The following ST7 variants were observed in gnomAD, a reference collection of about 807,000 sequenced individuals.
The protein encoded by ST7 is suppression of tumorigenicity 7, also known as suppressor of tumorigenicity 7 protein.
A neutral mutation model predicts 78.7 loss-of-function variants in ST7; 28 were observed. That is an observed-to-expected ratio of 0.36 (90% CI 0.26 to 0.49). The LOEUF is 0.49. Among genes scored for constraint, ST7 ranks in the 20% least tolerant of loss-of-function variants. The pLI, the probability that ST7 is intolerant of heterozygous loss-of-function variation, is 0.99. For synonymous variants in ST7, 247 were observed against 249.6 expected, an observed-to-expected ratio of 0.99 and a Z score of 0.10; for missense variants, 418 against 696.0, an observed-to-expected ratio of 0.60 and a Z score of 4.49.
intron 10 of ST7, among the ~76,000 whole-genome samples, chr7:117,179,032 T>C (rs1380262545): frequency 1.3e-5 from 2 of 152,188 alleles, no homozygotes; most frequent in African/African-American, 2.4e-5. Flanking sequence ...TTATTGTTTT[T>C]CTTCATCCTG....
intron 12 of ST7, among the ~76,000 whole-genome samples, chr7:117,201,224 G>C (rs1191532716): frequency 6.6e-6 from 1 of 152,106 alleles, no homozygotes; most frequent in Non-Finnish European, 1.5e-5. Flanking sequence ...GTCATATTTT[G>C]TTCCAAAGCT....
At chr7:117,205,892 G>A (rs1791706574) in intron 12 of ST7, among the ~76,000 whole-genome samples, 1 of 152,232 alleles carries the variant, frequency 6.6e-6, no homozygotes, top group Admixed American at 6.5e-5. Flanking sequence ...ATTATAGATG[G>A]ACAAAGCGTG....
intron 6 of ST7, among the ~76,000 whole-genome samples, 173 bp downstream of exon 6, chr7:117,132,133 T>C (rs1483386800): frequency 6.6e-6 from 1 of 151,758 alleles, no homozygotes; most frequent in African/African-American, 2.4e-5. Context: ...AGCCACCATG[T>C]GGAGGTGGTT....
At chr7:117,072,490 A>G (rs1799031301) in intron 1 of ST7, 1 of 152,180 alleles carries the variant, frequency 6.6e-6, no homozygotes, top group Non-Finnish European at 1.5e-5. Flanking sequence ...TTAGTAACAG[A>G]TGTTTTGATT....
At chr7:117,166,980 G>A (rs1460344305) in intron 9 of ST7, among the ~76,000 whole-genome samples, 1 of 151,878 alleles carries the variant, frequency 6.6e-6, no homozygotes, top group African/African-American at 2.4e-5. Context: ...TGCTGTGTGA[G>A]CAATTTAGGC....
chr7:117,122,278 G>C (rs1803453830), intron 3 of ST7, among the ~76,000 whole-genome samples: 1 of 152,206 alleles, frequency 6.6e-6, no homozygotes, highest in African/African-American at 2.4e-5. Flanking sequence ...AGCTCATGCT[G>C]TGCTAAGGAA....
intron 1 of ST7, among the ~76,000 whole-genome samples, chr7:116,984,560 G>C (rs1272468126): frequency 1.3e-5 from 2 of 152,134 alleles, no homozygotes; most frequent in African/African-American, 4.8e-5. Flanking sequence ...GGCAGGGGGT[G>C]GGGTAGATGA....
intron 12 of ST7, among the ~76,000 whole-genome samples, chr7:117,195,301 C>T (rs976441712): frequency 1.3e-5 from 2 of 152,066 alleles, no homozygotes; most frequent in Non-Finnish European, 1.5e-5. Flanking sequence ...GTATTTTATC[C>T]GTGTGCCTTC....
chr7:117,189,438 T>C, intron 11 of ST7, 45 bp downstream of exon 11: 11 of 1,464,074 alleles, frequency 7.5e-6, no homozygotes, highest in Non-Finnish European at 1.0e-5. Flanking sequence ...TGACCGGAAT[T>C]GAGATGTGTT....
chr7:117,035,815 CAG>C (rs1417323911), intron 1 of ST7, among the ~76,000 whole-genome samples: 4 of 113,600 alleles, frequency 3.5e-5, no homozygotes, highest in African/African-American at 8.2e-5. Context: ...AAATTAGAAT[CAG>C]TCTTTTTTTT....
chr7:117,229,554 T>G (rs1793659118), intron 15 of ST7, among the ~76,000 whole-genome samples: 1 of 152,164 alleles, frequency 6.6e-6, no homozygotes, highest in Non-Finnish European at 1.5e-5. Flanking sequence ...CTGACACTTC[T>G]CCCCCTTATC....
intron 9 of ST7, among the ~76,000 whole-genome samples, chr7:117,169,816 T>C (rs1563138690): frequency 7.1e-6 from 1 of 141,532 alleles, no homozygotes; most frequent in African/African-American, 3.0e-5. Context: ...TTTTTTTTTT[T>C]TTTTTTTGTC....
chr7:117,138,558 C>A (rs748419802), intron 9 of ST7, 26 bp downstream of exon 9: 1 of 1,516,110 alleles, frequency 6.6e-7, no homozygotes, highest in Non-Finnish European at 9.0e-7. Context: ...TGTTTGGGAT[C>A]AGTGGCTTAC....
intron 1 of ST7, among the ~76,000 whole-genome samples, chr7:117,035,861 A>C (rs1238410265): frequency 6.6e-6 from 1 of 151,824 alleles, no homozygotes; most frequent in African/African-American, 2.4e-5. Flanking sequence ...TGTAGGATAG[A>C]TGGTTCTTAA....
In ST7 at chr7:117,219,489, G is replaced by A. The variant is rs1011837430; in HGVS notation, c.1498+313G>A. 6.6e-6 allele frequency among the ~76,000 whole-genome samples: 1 copy of A among 152,226 alleles called. No individual in the cohort carries two copies. Among genetic ancestry groups the A allele is most frequent in the Non-Finnish European group, 1.5e-5 (1 of 68,040 alleles). The stretch of plus-strand genomic sequence containing the variant: ...CTGGTGTCTGCTGGGCTGGTCCATT[G>A]TGAGGGTTCTGCCTGGGCTCTTCAG... On this transcript the variant is annotated intron_variant, in intron 14 of 15. Transcript: ENST00000323984. This position sits in a 1 kb window ranked among gnomAD's most constrained non-coding sequence, Gnocchi z 5.1.
chr7:117,037,383 A>G (rs1280289406), intron 1 of ST7, among the ~76,000 whole-genome samples: 1 of 152,200 alleles, frequency 6.6e-6, no homozygotes, highest in Non-Finnish European at 1.5e-5. Context: ...AGAATGAGGT[A>G]CAAAACAGAT....
At chr7:117,106,089 C>T (rs1440515648) in intron 2 of ST7, among the ~76,000 whole-genome samples, 1 of 151,962 alleles carries the variant, frequency 6.6e-6, no homozygotes, top group Non-Finnish European at 1.5e-5. Context: ...AGCTCCGCTT[C>T]CCGGGTTCAC....
intron 1 of ST7, among the ~76,000 whole-genome samples, chr7:116,985,622 G>A (rs1027646253): frequency 1.3e-5 from 2 of 152,196 alleles, no homozygotes; most frequent in Non-Finnish European, 2.9e-5. Flanking sequence ...CTTCTTTCAT[G>A]AAGTTAGGAA....
intron 12 of ST7, among the ~76,000 whole-genome samples, chr7:117,208,830 A>G: frequency 6.6e-6 from 1 of 150,514 alleles, no homozygotes; most frequent in East Asian, 1.9e-4. Context: ...ACTAGTCTCC[A>G]TTTTACAGGA....
Sources: allele counts gnomAD v4.1 joint callset (sites outside exome capture counted in the v4.1 genomes callset), GRCh38; gene constraint gnomAD v4.1.1; non-coding constraint Gnocchi (gnomAD v3.1); transcripts MANE v1.5; gene names NCBI Gene and HGNC (gene_info 2026-07-23, HGNC 2026-07-21).